Variants in GPC5 observed in about 807,000 individuals in gnomAD.
The protein encoded by GPC5 is glypican-5.
Under a neutral mutation model 53.9 loss-of-function variants are expected in GPC5, and 47 were observed. The observed-to-expected ratio is 0.87, with a 90% CI of 0.69 to 1.11. The LOEUF (loss-of-function observed/expected upper bound fraction) is 1.11, where lower values mean the gene tolerates loss of function less well. Among genes scored for constraint, GPC5 ranks in the 50% most tolerant of loss-of-function variants. The pLI is 0.00. For missense variants in GPC5, 748 were observed against 713.1 expected, an observed-to-expected ratio of 1.05 and a Z score of -0.56; for synonymous variants, 286 against 263.3, an observed-to-expected ratio of 1.09 and a Z score of -0.84.
rs954176364 is a variant in GPC5 at position 92,203,655 on chromosome 13, T to TA, written c.1561+58673dup. 2.3e-3 allele frequency among the ~76,000 whole-genome samples: 232 copies of TA among 101,666 alleles called. 1 individual carries two copies. Among genetic ancestry groups the TA allele is most frequent in the African/African-American group, 5.8e-3 (202 of 34,842 alleles). The allele number at this position is 101,666 out of a possible 152,430, so 66.7% of individuals were successfully genotyped here. A position where few individuals can be genotyped will look rare whatever the true frequency, so the allele number is the denominator to read the frequency against. On this transcript the variant is annotated intron_variant, in intron 7 of 7. Coordinates refer to ENST00000377067, the MANE Select transcript of GPC5 (RefSeq NM_004466.6). ...AGTATAATAAAAAAATATATATATATAAAAAAATAAATAAATAAAACCAAA... is the reference window on the plus strand; with the variant it reads ...AGTATAATAAAAAAATATATATATATAAAAAAAATAAATAAATAAAACCAAA...
chr13:92,302,468 C>T (rs1346070654), intron 7 of GPC5, among the ~76,000 whole-genome samples: 1 of 151,814 alleles, frequency 6.6e-6, no homozygotes, highest in Non-Finnish European at 1.5e-5. Context: ...TGTAGCAGAC[C>T]GAGAATAAAA....
chr13:92,408,497 T>C (rs988490967), intron 7 of GPC5, among the ~76,000 whole-genome samples: 2 of 152,056 alleles, frequency 1.3e-5, no homozygotes, highest in Non-Finnish European at 2.9e-5. Context: ...ATTTAAGTCA[T>C]CTGTAACTAA....
At chr13:92,352,585 G>A (rs2043488233) in intron 7 of GPC5, among the ~76,000 whole-genome samples, 1 of 152,020 alleles carries the variant, frequency 6.6e-6, no homozygotes, top group South Asian at 2.1e-4. Context: ...AAACACATGT[G>A]GTCAATAAAC....
intron 7 of GPC5, among the ~76,000 whole-genome samples, chr13:92,379,128 C>T (rs1364553477): frequency 6.6e-6 from 1 of 152,144 alleles, no homozygotes. Flanking sequence ...TGGTGGGGCT[C>T]AGACATAACT....
At chr13:91,750,761 A>G (rs1287621597) in intron 4 of GPC5, among the ~76,000 whole-genome samples, 1 of 144,410 alleles carries the variant, frequency 6.9e-6, no homozygotes, top group African/African-American at 2.6e-5. Flanking sequence ...GCTCACCACA[A>G]CCTCTGCCTC....
intron 7 of GPC5, among the ~76,000 whole-genome samples, chr13:92,471,112 C>T (rs901862554): frequency 3.3e-5 from 5 of 152,052 alleles, no homozygotes; most frequent in African/African-American, 9.7e-5. Context: ...TGGACAGTGC[C>T]CTCAGCCACA....
At chr13:91,669,188 GC>G in intron 2 of GPC5, among the ~76,000 whole-genome samples, 1 of 152,088 alleles carries the variant, frequency 6.6e-6, no homozygotes, top group Non-Finnish European at 1.5e-5. Context: ...GTATTACTGT[GC>G]CCCCCCGACA....
intron 7 of GPC5, among the ~76,000 whole-genome samples, chr13:92,505,639 A>T (rs1253005043): frequency 6.6e-6 from 1 of 152,104 alleles, no homozygotes; most frequent in East Asian, 1.9e-4. Context: ...ACTTAGATTT[A>T]TACAAAACCT....
At chr13:92,737,197 T>C (rs1447669294) in intron 7 of GPC5, among the ~76,000 whole-genome samples, 4 of 152,052 alleles carry the variant, frequency 2.6e-5, no homozygotes, top group Non-Finnish European at 5.9e-5. Flanking sequence ...TCTTTATGTC[T>C]ATCACCTGGG....
intron 6 of GPC5, among the ~76,000 whole-genome samples, chr13:92,127,856 A>G (rs1340819129): frequency 6.6e-6 from 1 of 152,240 alleles, no homozygotes; most frequent in Non-Finnish European, 1.5e-5. Flanking sequence ...AAAAAAGCAC[A>G]AATACACCCA....
At position 91,812,653 on chromosome 13, in the gene GPC5, G is replaced by A. The variant is rs191080433; in HGVS notation, c.1280+56233G>A. On this transcript the variant is annotated intron_variant, in intron 5 of 7. Transcript: ENST00000377067. The stretch of plus-strand genomic sequence containing the variant: ...TCATTTTTGTTTGGTATATTCTTCA[G>A]TATTTCACAGTTTCCTGTGTTGTTT... Among the ~76,000 whole-genome samples the A allele has an allele frequency of 4.5e-3, 681 of 152,204 alleles. 4 individuals are homozygous for A. The highest frequency in any genetic ancestry group is 0.016 in the African/African-American group (656 of 41,518).
chr13:92,702,747 T>C (rs1397734681), intron 7 of GPC5, among the ~76,000 whole-genome samples: 1 of 152,102 alleles, frequency 6.6e-6, no homozygotes, highest in Non-Finnish European at 1.5e-5. Context: ...ATGTCACTTT[T>C]CTGCTCAAAA....
intron 7 of GPC5, among the ~76,000 whole-genome samples, 184 bp downstream of exon 7, chr13:92,145,173 T>C (rs964215530): frequency 6.6e-6 from 1 of 152,046 alleles, no homozygotes; most frequent in Admixed American, 6.6e-5. Flanking sequence ...TATTTTTAAC[T>C]AATGACTTCT....
At chr13:92,252,610 T>G (rs1340115430) in intron 7 of GPC5, among the ~76,000 whole-genome samples, 4 of 152,064 alleles carry the variant, frequency 2.6e-5, no homozygotes, top group African/African-American at 9.7e-5. Flanking sequence ...CTTTTACCAT[T>G]TCTTAGATAA....
At chr13:91,435,588 C>T (rs910870049) in intron 1 of GPC5, among the ~76,000 whole-genome samples, 1 of 152,114 alleles carries the variant, frequency 6.6e-6, no homozygotes, top group African/African-American at 2.4e-5. Context: ...TTCGATTTGC[C>T]AGTATTTTAT....
chr13:92,102,244 C>G (rs1461702958), intron 6 of GPC5, among the ~76,000 whole-genome samples: 1 of 152,046 alleles, frequency 6.6e-6, no homozygotes, highest in African/African-American at 2.4e-5. Context: ...GTCAGAAAAA[C>G]AAAGATCTAG....
At chr13:91,835,977 C>A (rs1414947393) in intron 5 of GPC5, among the ~76,000 whole-genome samples, 2 of 151,980 alleles carry the variant, frequency 1.3e-5, no homozygotes, top group Non-Finnish European at 2.9e-5. Context: ...GTTCTTTAAG[C>A]ACACCATTTA....
At chr13:91,796,279 C>T (rs1478516393) in intron 5 of GPC5, among the ~76,000 whole-genome samples, 1 of 152,304 alleles carries the variant, frequency 6.6e-6, no homozygotes, top group East Asian at 1.9e-4. Context: ...TTGGGAGCAG[C>T]AGTGGGCGCC....
chr13:92,518,533 C>A (rs1007939769), intron 7 of GPC5, among the ~76,000 whole-genome samples: 1 of 152,094 alleles, frequency 6.6e-6, no homozygotes, highest in African/African-American at 2.4e-5. Flanking sequence ...AACTAAGCTT[C>A]ATAAGTGAAG....
Sources: gnomAD v4.1 joint callset for allele counts (sites outside exome capture counted in the v4.1 genomes callset) on GRCh38, gnomAD v4.1.1 for gene constraint, MANE v1.5 for transcripts, NCBI Gene and HGNC (gene_info 2026-07-23, HGNC 2026-07-21) for gene names.